The following EXOC4 variants were observed in gnomAD, a reference collection of about 807,000 sequenced individuals.
The protein encoded by EXOC4 is SEC8-like 1.
In EXOC4, 71 loss-of-function variants were observed where a neutral mutation model predicts 107.2. That is an observed-to-expected ratio of 0.66 (90% CI 0.55 to 0.81). The LOEUF (loss-of-function observed/expected upper bound fraction) is 0.81, where lower values mean the gene tolerates loss of function less well. EXOC4 is among the 30% of genes least tolerant of loss of function. The pLI is 0.00. For synonymous variants in EXOC4, 456 were observed against 441.2 expected, an observed-to-expected ratio of 1.03 and a Z score of -0.42; for missense variants, 1,108 against 1,189.6, an observed-to-expected ratio of 0.93 and a Z score of 1.01.
At chr7:133,655,047 A>G (rs896530791) in intron 10 of EXOC4, among the ~76,000 whole-genome samples, 1 of 152,188 alleles carries the variant, frequency 6.6e-6, no homozygotes, top group African/African-American at 2.4e-5. Context: ...GTGAATGTGA[A>G]GGTCTAGGAT....
chr7:133,717,879 G>T (rs1585099732), intron 10 of EXOC4, among the ~76,000 whole-genome samples: 1 of 152,188 alleles, frequency 6.6e-6, no homozygotes, highest in East Asian at 1.9e-4. Flanking sequence ...TTTATTCACA[G>T]GCTAAAGGAT....
intron 4 of EXOC4, among the ~76,000 whole-genome samples, chr7:133,315,642 G>T (rs528007875): frequency 6.6e-6 from 1 of 152,298 alleles, no homozygotes; most frequent in East Asian, 1.9e-4. Context: ...ATTATGAAAA[G>T]TTATTGGATT....
intron 7 of EXOC4, among the ~76,000 whole-genome samples, chr7:133,462,569 A>C (rs917760551): frequency 6.6e-6 from 1 of 152,216 alleles, no homozygotes; most frequent in Non-Finnish European, 1.5e-5. Flanking sequence ...ATCTCCATGC[A>C]TGTAACTCTG....
At chr7:133,953,302 T>C (rs28565490) in intron 14 of EXOC4, among the ~76,000 whole-genome samples, 1 of 151,980 alleles carries the variant, frequency 6.6e-6, no homozygotes, top group Non-Finnish European at 1.5e-5. Flanking sequence ...AAATAAAAAA[T>C]TTGGCCAGGC....
rs548722205 is a variant in EXOC4 at position 133,585,925 on chromosome 7, C to T, written c.1418-44120C>T. Among the ~76,000 whole-genome samples, 16 of 152,158 alleles carry T rather than the reference C, an allele frequency of 1.1e-4. No individual in the cohort carries two copies. In the East Asian group the frequency reaches 3.1e-3, roughly 30 times the overall value. On this transcript the variant is annotated intron_variant, in intron 9 of 17. Coordinates refer to ENST00000253861, the MANE Select transcript of EXOC4 (RefSeq NM_021807.4). ...GGCCAGGCTGGTCTCGAACTCCTGA[C>T]CTCAAGTGATCTGCCTGCCTCGGCC...
At chr7:133,560,351 C>T (rs778422115) in intron 9 of EXOC4, among the ~76,000 whole-genome samples, 18 of 152,090 alleles carry the variant, frequency 1.2e-4, no homozygotes, top group Non-Finnish European at 2.5e-4. Context: ...GTGGCGCAAC[C>T]TTGGCTCACT....
At chr7:134,005,625 A>G (rs2002866) in intron 16 of EXOC4, among the ~76,000 whole-genome samples, 115,399 of 152,072 alleles carry the variant, frequency 0.76, 45,047 homozygotes, top group African/African-American at 0.94. Flanking sequence ...ATCTAAAGAC[A>G]TTACCCTTCA....
intron 10 of EXOC4, among the ~76,000 whole-genome samples, chr7:133,790,725 A>G (rs753061136): frequency 2.0e-5 from 3 of 152,270 alleles, no homozygotes; most frequent in Admixed American, 2.0e-4. Flanking sequence ...CTTAAGTTCC[A>G]TGAAACAAAC....
At chr7:133,530,010 T>C (rs1800151175) in intron 9 of EXOC4, among the ~76,000 whole-genome samples, 1 of 152,070 alleles carries the variant, frequency 6.6e-6, no homozygotes, top group Non-Finnish European at 1.5e-5. Context: ...GTAGGTGGTG[T>C]GAGAGTAGAT....
intron 9 of EXOC4, among the ~76,000 whole-genome samples, chr7:133,538,876 A>G (rs1303142814): frequency 8.8e-6 from 1 of 113,330 alleles, no homozygotes; most frequent in Non-Finnish European, 1.8e-5. Flanking sequence ...AGAGAGAGAG[A>G]GAGAGAGGGA....
intron 7 of EXOC4, among the ~76,000 whole-genome samples, chr7:133,452,128 TAA>T (rs1798361975): frequency 6.6e-6 from 1 of 152,092 alleles, no homozygotes; most frequent in Admixed American, 6.6e-5. Context: ...TGTGAATTGC[TAA>T]GAGTCCAACT....
intron 7 of EXOC4, among the ~76,000 whole-genome samples, chr7:133,449,014 A>C (rs1019249015): frequency 4.2e-4 from 64 of 152,212 alleles, no homozygotes; most frequent in Admixed American, 4.1e-3. Flanking sequence ...AGGCTGAGGC[A>C]TTAGAATCGC....
chr7:133,801,332 A>G (rs546184117), intron 10 of EXOC4, among the ~76,000 whole-genome samples: 28 of 152,310 alleles, frequency 1.8e-4, no homozygotes, highest in Admixed American at 3.9e-4. Flanking sequence ...GAATGCAAAT[A>G]AGACTTTCTG....
chr7:133,999,963 A>C (rs1794494823), intron 15 of EXOC4, among the ~76,000 whole-genome samples: 1 of 152,220 alleles, frequency 6.6e-6, no homozygotes, highest in Non-Finnish European at 1.5e-5. Flanking sequence ...CTTCAACATT[A>C]GTCTAAAAAC....
chr7:134,039,216 G>T (rs976473593), intron 17 of EXOC4, among the ~76,000 whole-genome samples: 1 of 152,186 alleles, frequency 6.6e-6, no homozygotes, highest in Admixed American at 6.5e-5. Context: ...ATACACCTAC[G>T]TAAGGAGTAT....
At chr7:133,749,052 T>G (rs907972359) in intron 10 of EXOC4, among the ~76,000 whole-genome samples, 1 of 152,196 alleles carries the variant, frequency 6.6e-6, no homozygotes, top group Non-Finnish European at 1.5e-5. Context: ...AAAAATAGGC[T>G]CAGGAGCCTG....
At chr7:133,326,032 G>A (rs1027326981) in intron 5 of EXOC4, among the ~76,000 whole-genome samples, 8 of 152,114 alleles carry the variant, frequency 5.3e-5, no homozygotes, top group African/African-American at 1.2e-4. Context: ...CATTCGTCAC[G>A]TAGTTCTCAC....
intron 2 of EXOC4, among the ~76,000 whole-genome samples, chr7:133,281,918 G>C (rs1475747542): frequency 6.6e-6 from 1 of 152,110 alleles, no homozygotes; most frequent in Non-Finnish European, 1.5e-5. Flanking sequence ...GGCCAGGCTA[G>C]TCTTGAACTC....
chr7:134,051,646 T>C (rs1472188130), intron 17 of EXOC4, among the ~76,000 whole-genome samples: 8 of 131,434 alleles, frequency 6.1e-5, no homozygotes, highest in African/African-American at 8.9e-5. Flanking sequence ...CACTCCAGCC[T>C]GGGAGACAGA....
Sources: gnomAD v4.1 joint callset for allele counts (sites outside exome capture counted in the v4.1 genomes callset) on GRCh38, gnomAD v4.1.1 for gene constraint, MANE v1.5 for transcripts, NCBI Gene and HGNC (gene_info 2026-07-23, HGNC 2026-07-21) for gene names.